The following BCLAF1 variants were observed in gnomAD, a reference collection of about 807,000 sequenced individuals.
BCLAF1 encodes the protein BCL2 associated transcription factor 1.
In BCLAF1, 10 loss-of-function variants were observed where a neutral mutation model predicts 99.5. The observed-to-expected ratio is 0.10, with a 90% CI of 0.06 to 0.17. The LOEUF (loss-of-function observed/expected upper bound fraction) is 0.17. Ranked by LOEUF, BCLAF1 falls within the 10% of genes least tolerant of loss-of-function variation. The pLI, the probability that BCLAF1 is intolerant of heterozygous loss-of-function variation, is 1.00. For missense variants in BCLAF1, 636 were observed against 1,105.8 expected (o/e 0.58, Z 6.02); for synonymous variants, 255 against 370.9 (o/e 0.69, Z 3.59).
At chr6:136,283,018 C>T (rs893475846) in intron 1 of BCLAF1, among the ~76,000 whole-genome samples, 3 of 151,628 alleles carry the variant, frequency 2.0e-5, no homozygotes, top group South Asian at 2.1e-4. Context: ...ATCTTGGTAG[C>T]GGGGCAAGGT....
chr6:136,276,168 A>G lies in BCLAF1; in HGVS notation c.1357T>C (p.Phe453Leu), dbSNP rs1232434727. 3.1e-6 allele frequency: 5 copies of G among 1,613,096 alleles called. No individual in the cohort carries two copies. Among genetic ancestry groups the G allele is most frequent in the Non-Finnish European group, 3.4e-6 (4 of 1,179,808 alleles). Residue 453 changes from phenylalanine (F) to leucine (L), a missense_variant, in exon 5 of 13, where the codon TTT (phenylalanine) becomes CTT (leucine). Physicochemically the swap from Phe to Leu is conservative, Grantham distance 22. Transcript: ENST00000531224. ...AGTTTATAATTTTTTTCTTCTCTAAATCCATCACTTTCTCTATTGCCTTTC... is the reference window on the plus strand; with the variant it reads ...AGTTTATAATTTTTTTCTTCTCTAAGTCCATCACTTTCTCTATTGCCTTTC... ...SLKGNRESDGFREEKNYKLKE... is the reference protein window; with the variant it reads ...SLKGNRESDGLREEKNYKLKE...
rs779990517 is a variant in BCLAF1, at chr6:136,276,060, T to C, written c.1465A>G (p.Thr489Ala). ...KEEDKNSERI[T>A]VKKETQSPEQ... ...GGTGACTGAGTTTCTTTCTTTACTG[T>C]TATTCTTTCAGAATTTTTGTCTTCT... The change falls in exon 5 of 13, where the codon ACA (threonine) becomes GCA (alanine). Residue 489 changes from threonine to alanine, a missense_variant. Coordinates refer to ENST00000531224, the MANE Select transcript of BCLAF1 (RefSeq NM_014739.3). 2 of 1,605,694 alleles carry C rather than the reference T, an allele frequency of 1.2e-6. No individual in the cohort carries two copies. The highest frequency in any genetic ancestry group is 2.2e-5 in the East Asian group (1 of 44,800).
At chr6:136,264,174 C>T (rs998436056) in intron 11 of BCLAF1, among the ~76,000 whole-genome samples, 8 of 152,100 alleles carry the variant, frequency 5.3e-5, no homozygotes, top group Non-Finnish European at 7.4e-5. Flanking sequence ...TAGCATAGTA[C>T]ATGATGCTTA....
At chr6:136,268,135 ACAAT>A (rs768402367) in intron 10 of BCLAF1, 23 bp downstream of exon 10, 14 of 1,505,476 alleles carry the variant, frequency 9.3e-6, no homozygotes, top group Non-Finnish European at 1.2e-5. Context: ...CTCCTACCAA[ACAAT>A]CAAAGATAAT....
intron 1 of BCLAF1, among the ~76,000 whole-genome samples, chr6:136,287,974 T>C (rs954102864): frequency 1.3e-5 from 2 of 152,138 alleles, no homozygotes; most frequent in African/African-American, 4.8e-5. Flanking sequence ...GAGCCGAGAC[T>C]GGGCCACTGC....
In BCLAF1 at chr6:136,261,061, A is replaced by T; in HGVS notation, c.*49T>A. 6.6e-7 allele frequency: 1 copy of T among 1,507,690 alleles called. No homozygotes were observed. The highest frequency in any genetic ancestry group is 1.3e-5 in the South Asian group (1 of 77,772). 93.4% of individuals were successfully genotyped at this position (1,507,690 alleles called of 1,614,324 possible). A position where few individuals can be genotyped will look rare whatever the true frequency, so the allele number is the denominator to read the frequency against. ...ATTTGAAAACAAAAATCAGGTAAAA[A>T]AAATGGTGGGTGCAAGTTCTGCTCT... is the stretch of plus-strand genomic sequence containing the variant. On this transcript the variant is annotated 3_prime_UTR_variant, in exon 13 of 13. Coordinates refer to ENST00000531224, the MANE Select transcript of BCLAF1 (RefSeq NM_014739.3).
At chr6:136,270,503 C>G (rs1376328345) in intron 8 of BCLAF1, 2 of 151,730 alleles carry the variant, frequency 1.3e-5, no homozygotes, top group African/African-American at 4.8e-5. Flanking sequence ...CATAAGCATT[C>G]ATAAAACTGA....
chr6:136,275,482 T>C (rs1352736309), intron 6 of BCLAF1, 50 bp downstream of exon 6: 2 of 1,431,058 alleles, frequency 1.4e-6, no homozygotes, highest in East Asian at 4.9e-5. Context: ...CATTTTTTTA[T>C]TTGCATGCAA....
At chr6:136,287,245 G>C (rs1417468243) in intron 1 of BCLAF1, among the ~76,000 whole-genome samples, 1 of 152,226 alleles carries the variant, frequency 6.6e-6, no homozygotes, top group African/African-American at 2.4e-5. Context: ...GGGAAGCGGA[G>C]GTTGCAGTGA....
At chr6:136,261,227 A>C (rs1583996963) in intron 12 of BCLAF1, 38 bp downstream of exon 12, 1 of 1,601,260 alleles carries the variant, frequency 6.2e-7, no homozygotes, top group Non-Finnish European at 8.5e-7. Flanking sequence ...ACCTATATCA[A>C]AAAAAATCTG....
rs1197832011 is a variant in BCLAF1 at position 136,259,793 on chromosome 6, C to T, written c.*1317G>A. 6.6e-6 allele frequency: 1 copy of T among 152,032 alleles called. No homozygotes were observed. Among genetic ancestry groups the T allele is most frequent in the Non-Finnish European group, 1.5e-5 (1 of 67,902 alleles). 9.4% of individuals were successfully genotyped at this position (152,032 alleles called of 1,614,324 possible). On this transcript the variant is annotated 3_prime_UTR_variant, in exon 13 of 13. Coordinates refer to ENST00000531224, the MANE Select transcript of BCLAF1 (RefSeq NM_014739.3). The stretch of plus-strand genomic sequence containing the variant: ...ATAAGCATTAGCTCCTTTTAACACA[C>T]ACACACAACTAAATTAACAAATGAA...
At chr6:136,265,975 CCA>C (rs1781658403) in intron 11 of BCLAF1, among the ~76,000 whole-genome samples, 1 of 152,016 alleles carries the variant, frequency 6.6e-6, no homozygotes, top group African/African-American at 2.4e-5. Context: ...CTTTTACTTT[CCA>C]GAATGTCAAT....
intron 11 of BCLAF1, among the ~76,000 whole-genome samples, chr6:136,266,678 A>G (rs1442629594): frequency 6.6e-6 from 1 of 152,126 alleles, no homozygotes; most frequent in African/African-American, 2.4e-5. Context: ...ATGATAATGG[A>G]AGGTACATCT....
In BCLAF1 at chr6:136,261,130, A is replaced by G. The variant is rs748726912; in HGVS notation, c.2758-15T>C. On this transcript the variant is annotated splice_polypyrimidine_tract_variant and intron_variant, in intron 12 of 12. Transcript: ENST00000531224. Reference sequence around the variant, plus strand: ...ATTTATTATTCCTAAAAGAGAGAGAAAAAATTAAAGATTAACAAAAGATGC... The same window carrying G: ...ATTTATTATTCCTAAAAGAGAGAGAGAAAATTAAAGATTAACAAAAGATGC... The G allele has an allele frequency of 1.3e-6, 2 of 1,576,960 alleles. No individual in the cohort carries two copies. The highest frequency in any genetic ancestry group is 1.2e-5 in the South Asian group (1 of 85,036).
intron 1 of BCLAF1, among the ~76,000 whole-genome samples, chr6:136,288,547 C>A (rs1785476828): frequency 6.6e-6 from 1 of 152,098 alleles, no homozygotes; most frequent in African/African-American, 2.4e-5. Flanking sequence ...TTTGTAACAC[C>A]AAAAAATTTA....
intron 1 of BCLAF1, among the ~76,000 whole-genome samples, chr6:136,287,624 G>GA (rs1323963722): frequency 2.0e-5 from 3 of 152,156 alleles, no homozygotes; most frequent in Admixed American, 6.5e-5. Context: ...GTAGTTTCCA[G>GA]AAACTCCCAA....
intron 1 of BCLAF1, among the ~76,000 whole-genome samples, chr6:136,284,130 G>GTGTATGTATATATATA (rs36141174): frequency 5.7e-5 from 7 of 122,120 alleles, no homozygotes; most frequent in Non-Finnish European, 1.1e-4. Context: ...GTGTGTGTGT[G>GTGTATGTATATATATA]TATATATATA....
Position 136,280,150 on chromosome 6 carries a change from C to T in BCLAF1, c.-10-274G>A, listed in dbSNP as rs571897798. Among the ~76,000 whole-genome samples, 176 of 152,194 alleles carry T rather than the reference C, an allele frequency of 1.2e-3. 4 individuals carry two copies. The South Asian group carries it at 0.035, about 30-fold the overall frequency. ...CCTCAATCCTAAAAGGCAGCAGCTG[C>T]AGAAGCCAGAAAAAGCAATGAGACT... On this transcript the variant is annotated intron_variant, in intron 2 of 12. Coordinates refer to ENST00000531224, the MANE Select transcript of BCLAF1 (RefSeq NM_014739.3).
chr6:136,284,126 G>GTA lies in BCLAF1; in HGVS notation c.-114-1440_-114-1439insTA, dbSNP rs1212310238. On this transcript the variant is annotated intron_variant, in intron 1 of 12. Coordinates refer to ENST00000531224, the MANE Select transcript of BCLAF1 (RefSeq NM_014739.3). The stretch of plus-strand genomic sequence containing the variant: ...TATATATACATATATATGTGTGTGT[G>GTA]TGTGTATATATATATATATATATAT... Among the ~76,000 whole-genome samples, 20 of 76,120 alleles carry GTA rather than the reference G, an allele frequency of 2.6e-4. 1 individual carries two copies. Among genetic ancestry groups the GTA allele is most frequent in the African/African-American group, 1.7e-3 (20 of 12,054 alleles). The allele number at this position is 76,120 out of a possible 152,430, so 49.9% of individuals were successfully genotyped here. A position where few individuals can be genotyped will look rare whatever the true frequency, so the allele number is the denominator to read the frequency against.
Sources: gnomAD v4.1 joint callset for allele counts (sites outside exome capture counted in the v4.1 genomes callset) on GRCh38, gnomAD v4.1.1 for gene constraint, MANE v1.5 for transcripts, NCBI Gene and HGNC (gene_info 2026-07-23, HGNC 2026-07-21) for gene names.